Variants in CCSER1 observed in about 807,000 individuals in gnomAD.
The protein encoded by CCSER1 is coiled-coil serine rich protein 1, also known as serine-rich coiled-coil domain-containing protein 1.
A neutral mutation model predicts 82.0 loss-of-function variants in CCSER1; 41 were observed. That is an observed-to-expected ratio of 0.50 (90% CI 0.39 to 0.65). The LOEUF is 0.65. CCSER1 is among the 30% of genes least tolerant of loss of function. CCSER1 has a pLI of 0.00. For synonymous variants in CCSER1, 414 were observed against 383.9 expected, an observed-to-expected ratio of 1.08 and a Z score of -0.92; for missense variants, 1,119 against 1,064.2, an observed-to-expected ratio of 1.05 and a Z score of -0.72.
chr4:91,307,076 T>G (rs1202272468), intron 10 of CCSER1, among the ~76,000 whole-genome samples: 2 of 151,988 alleles, frequency 1.3e-5, no homozygotes, highest in South Asian at 2.1e-4. Flanking sequence ...ATTTCATTCT[T>G]AAGTATCACA....
chr4:91,547,851 G>A (rs542220706), intron 10 of CCSER1, among the ~76,000 whole-genome samples: 20 of 151,436 alleles, frequency 1.3e-4, no homozygotes, highest in Admixed American at 3.3e-4. Flanking sequence ...GTGTGATCTC[G>A]GCTCACTGCA....
At chr4:90,492,761 T>C (rs1355304339) in intron 5 of CCSER1, among the ~76,000 whole-genome samples, 5 of 152,334 alleles carry the variant, frequency 3.3e-5, no homozygotes, top group Non-Finnish European at 7.4e-5. Flanking sequence ...TATTTCTGCC[T>C]TCATTTTGTT....
chr4:90,211,956 G>GT (rs942048694), intron 1 of CCSER1, among the ~76,000 whole-genome samples: 1 of 152,148 alleles, frequency 6.6e-6, no homozygotes, highest in African/African-American at 2.4e-5. Flanking sequence ...AACGATCTTA[G>GT]CAGAATGTCA....
chr4:90,932,321 T>C (rs1361455485), intron 9 of CCSER1, among the ~76,000 whole-genome samples: 1 of 152,178 alleles, frequency 6.6e-6, no homozygotes, highest in Non-Finnish European at 1.5e-5. Context: ...TATAAATGGC[T>C]TTATAGATTT....
intron 10 of CCSER1, among the ~76,000 whole-genome samples, chr4:91,433,322 G>A (rs992193333): frequency 3.3e-5 from 5 of 152,068 alleles, no homozygotes; most frequent in African/African-American, 7.2e-5. Flanking sequence ...CCATCATAAC[G>A]TCATAGCACA....
intron 5 of CCSER1, among the ~76,000 whole-genome samples, chr4:90,626,528 A>C (rs1579560215): frequency 6.6e-6 from 1 of 152,206 alleles, no homozygotes. Context: ...TAAAATATAC[A>C]CTTTAAAGTG....
chr4:90,751,127 TCTC>T (rs1439803154), intron 7 of CCSER1, among the ~76,000 whole-genome samples: 1 of 152,056 alleles, frequency 6.6e-6, no homozygotes, highest in African/African-American at 2.4e-5. Flanking sequence ...TCTAAAATTT[TCTC>T]CTTCAGCCAA....
At chr4:90,721,980 T>G (rs1236527219) in intron 6 of CCSER1, among the ~76,000 whole-genome samples, 1 of 151,718 alleles carries the variant, frequency 6.6e-6, no homozygotes, top group Non-Finnish European at 1.5e-5. Context: ...TCTCTTAGAA[T>G]GACATTCAAA....
intron 1 of CCSER1, among the ~76,000 whole-genome samples, chr4:90,156,167 A>G (rs1728106940): frequency 6.6e-6 from 1 of 152,140 alleles, no homozygotes; most frequent in Non-Finnish European, 1.5e-5. Flanking sequence ...TTCAGTTTCC[A>G]TGTAATTGAG....
chr4:90,571,553 A>G (rs533302639), intron 5 of CCSER1, among the ~76,000 whole-genome samples: 5 of 152,324 alleles, frequency 3.3e-5, no homozygotes, highest in South Asian at 4.1e-4. Flanking sequence ...TTAGGAACAC[A>G]TGGACATAAA....
intron 10 of CCSER1, among the ~76,000 whole-genome samples, chr4:91,414,261 T>C (rs186390284): frequency 9.2e-4 from 140 of 152,184 alleles, no homozygotes; most frequent in African/African-American, 3.3e-3. Context: ...CAATATAAAA[T>C]ATGCAAAGTG....
chr4:91,194,668 T>C (rs1735262184), intron 10 of CCSER1, among the ~76,000 whole-genome samples: 1 of 150,838 alleles, frequency 6.6e-6, no homozygotes, highest in Admixed American at 6.6e-5. Context: ...ATGCACATGG[T>C]AGAGAACACA....
chr4:91,587,248 C>T (rs1164572940), intron 10 of CCSER1, among the ~76,000 whole-genome samples: 1 of 151,710 alleles, frequency 6.6e-6, no homozygotes, highest in Non-Finnish European at 1.5e-5. Context: ...TTGGATTCAC[C>T]TTAGCCTTAT....
intron 3 of CCSER1, among the ~76,000 whole-genome samples, chr4:90,385,124 C>T (rs1749814637): frequency 6.6e-6 from 1 of 152,128 alleles, no homozygotes; most frequent in African/African-American, 2.4e-5. Flanking sequence ...TTTATCTACT[C>T]ATCGGTTGAT....
chr4:90,467,439 A>C (rs1017416571), intron 4 of CCSER1, among the ~76,000 whole-genome samples: 5 of 152,016 alleles, frequency 3.3e-5, no homozygotes, highest in African/African-American at 1.2e-4. Flanking sequence ...TAATCCCAGC[A>C]CTTTGGGAGG....
chr4:91,525,764 T>G (rs1760735817), intron 10 of CCSER1, among the ~76,000 whole-genome samples: 2 of 152,114 alleles, frequency 1.3e-5, no homozygotes, highest in Non-Finnish European at 2.9e-5. Context: ...CTTATTTGTC[T>G]CATATACGTA....
chr4:90,433,746 ATCTTT>A (rs1758622270), intron 4 of CCSER1, among the ~76,000 whole-genome samples: 1 of 151,962 alleles, frequency 6.6e-6, no homozygotes, highest in Non-Finnish European at 1.5e-5. Flanking sequence ...ATGGTTTTCT[ATCTTT>A]TCTTCTAATA....
chr4:90,656,738 C>A (rs1309136802), intron 6 of CCSER1, among the ~76,000 whole-genome samples: 2 of 151,782 alleles, frequency 1.3e-5, no homozygotes, highest in African/African-American at 4.8e-5. Flanking sequence ...TTTTGTATCT[C>A]CTTGAAATAA....
intron 6 of CCSER1, among the ~76,000 whole-genome samples, chr4:90,665,182 T>C (rs1435988566): frequency 6.6e-6 from 1 of 152,186 alleles, no homozygotes; most frequent in Non-Finnish European, 1.5e-5. Flanking sequence ...GGGTCCTTGC[T>C]ATAACAGAAG....
Sources: allele counts gnomAD v4.1 joint callset (sites outside exome capture counted in the v4.1 genomes callset), GRCh38; gene constraint gnomAD v4.1.1; transcripts MANE v1.5; gene names NCBI Gene and HGNC (gene_info 2026-07-23, HGNC 2026-07-21).